Variants in CDH12 observed in about 807,000 individuals in gnomAD.
The protein encoded by CDH12 is cadherin 12, also known as cadherin-12.
CDH12 carries 41 observed loss-of-function variants against 74.1 expected under a neutral mutation model. That is an observed-to-expected ratio of 0.55 (90% CI 0.43 to 0.72). CDH12 has a LOEUF of 0.72. Ranked by LOEUF, CDH12 falls within the 30% of genes least tolerant of loss-of-function variation. The pLI, the probability that CDH12 is intolerant of heterozygous loss-of-function variation, is 0.00. For synonymous variants in CDH12, 399 were observed against 355.0 expected, an observed-to-expected ratio of 1.12 and a Z score of -1.39; for missense variants, 945 against 977.2, an observed-to-expected ratio of 0.97 and a Z score of 0.44.
intron 5 of CDH12, among the ~76,000 whole-genome samples, chr5:22,024,744 C>T (rs1292647006): frequency 6.6e-6 from 1 of 152,036 alleles, no homozygotes; most frequent in Non-Finnish European, 1.5e-5. Context: ...GAACTCCTGA[C>T]CTCAAGTGAT....
chr5:21,838,050 CTTTTA>C (rs1403164431), intron 8 of CDH12, among the ~76,000 whole-genome samples: 1 of 152,072 alleles, frequency 6.6e-6, no homozygotes, highest in Non-Finnish European at 1.5e-5. Context: ...AAACTAATAA[CTTTTA>C]TTTTAATATG....
intron 4 of CDH12, among the ~76,000 whole-genome samples, chr5:22,097,013 G>A (rs1435032682): frequency 2.0e-5 from 3 of 152,122 alleles, no homozygotes; most frequent in African/African-American, 7.2e-5. Context: ...TGCCTCCACT[G>A]TGAGACAAAC....
At chr5:22,033,765 T>C (rs555446494) in intron 5 of CDH12, among the ~76,000 whole-genome samples, 2 of 152,254 alleles carry the variant, frequency 1.3e-5, no homozygotes, top group East Asian at 3.9e-4. Context: ...TACATATTTT[T>C]AATAAAGTGG....
intron 3 of CDH12, among the ~76,000 whole-genome samples, chr5:22,388,031 T>C (rs575703325): frequency 5.5e-4 from 83 of 152,156 alleles, no homozygotes; most frequent in African/African-American, 1.9e-3. Flanking sequence ...CCACTGGAGG[T>C]AGAGTATATG....
chr5:21,963,518 T>C (rs1274304617), intron 6 of CDH12, among the ~76,000 whole-genome samples: 1 of 152,140 alleles, frequency 6.6e-6, no homozygotes, highest in Non-Finnish European at 1.5e-5. Flanking sequence ...CTTTCTTTTC[T>C]CTTGAGTATG....
Position 22,059,295 on chromosome 5 carries a change from CATCT to C in CDH12, c.231+19147_231+19150del, listed in dbSNP as rs1333738127. On this transcript the variant is annotated intron_variant, in intron 5 of 14. Coordinates refer to ENST00000382254, the MANE Select transcript of CDH12 (RefSeq NM_004061.5). ...TCTATCTATCTATCTATCTATCTAT[CATCT>C]ATCTATCTATCATCTATCCATCTAT... 5.3e-3 allele frequency among the ~76,000 whole-genome samples: 685 copies of C among 129,742 alleles called. 8 individuals are homozygous for C. Among genetic ancestry groups the C allele is most frequent in the South Asian group, 0.032 (126 of 3,952 alleles). 85.1% of individuals were successfully genotyped at this position (129,742 alleles called of 152,430 possible). A position where few individuals can be genotyped will look rare whatever the true frequency, so the allele number is the denominator to read the frequency against.
chr5:22,816,931 C>T (rs1010318066), intron 1 of CDH12, among the ~76,000 whole-genome samples: 6 of 152,180 alleles, frequency 3.9e-5, no homozygotes, highest in African/African-American at 7.2e-5. Context: ...TGAGGAAAAC[C>T]CTTCCATAAC....
At chr5:21,856,659 G>A (rs1750771044) in intron 6 of CDH12, among the ~76,000 whole-genome samples, 1 of 151,584 alleles carries the variant, frequency 6.6e-6, no homozygotes, top group Non-Finnish European at 1.5e-5. Flanking sequence ...GAACAAATAT[G>A]TTCTTCTAAT....
intron 3 of CDH12, among the ~76,000 whole-genome samples, chr5:22,389,005 T>G (rs1742117735): frequency 6.6e-6 from 1 of 152,220 alleles, no homozygotes; most frequent in African/African-American, 2.4e-5. Flanking sequence ...TTTCTTATGG[T>G]TCTTGACAGC....
At chr5:22,645,874 T>G (rs1337717776) in intron 1 of CDH12, among the ~76,000 whole-genome samples, 1 of 151,982 alleles carries the variant, frequency 6.6e-6, no homozygotes, top group African/African-American at 2.4e-5. Context: ...TACATATATA[T>G]TGTATGTACA....
At chr5:22,376,914 TATAA>T (rs1452138340) in intron 3 of CDH12, among the ~76,000 whole-genome samples, 1 of 152,088 alleles carries the variant, frequency 6.6e-6, no homozygotes, top group African/African-American at 2.4e-5. Flanking sequence ...AGTAAATAAA[TATAA>T]ATAGTTCTGT....
intron 1 of CDH12, among the ~76,000 whole-genome samples, chr5:22,537,084 C>A (rs907814402): frequency 6.6e-6 from 1 of 152,196 alleles, no homozygotes; most frequent in African/African-American, 2.4e-5. Context: ...GAGACACAGA[C>A]ATTTTCTTAT....
chr5:22,660,149 A>G (rs924165524), intron 1 of CDH12, among the ~76,000 whole-genome samples: 1 of 152,174 alleles, frequency 6.6e-6, no homozygotes, highest in African/African-American at 2.4e-5. Flanking sequence ...AGTTTATTTT[A>G]TAACCACTCA....
At chr5:22,508,919 C>T (rs1375927256) in intron 1 of CDH12, among the ~76,000 whole-genome samples, 1 of 152,154 alleles carries the variant, frequency 6.6e-6, no homozygotes, top group African/African-American at 2.4e-5. Context: ...GTGTCACAGG[C>T]CATGGTCACT....
intron 1 of CDH12, among the ~76,000 whole-genome samples, chr5:22,636,455 T>C (rs1008606350): frequency 2.0e-5 from 3 of 152,188 alleles, no homozygotes; most frequent in African/African-American, 7.2e-5. Context: ...TGCAATATTG[T>C]ATATCCAAAC....
chr5:22,811,160 TAC>T (rs578256042), intron 1 of CDH12, among the ~76,000 whole-genome samples: 4 of 151,700 alleles, frequency 2.6e-5, no homozygotes, highest in African/African-American at 9.7e-5. Context: ...CATATATATA[TAC>T]ACACACACAT....
chr5:21,791,980 C>A (rs576549934), intron 10 of CDH12, among the ~76,000 whole-genome samples: 1 of 151,856 alleles, frequency 6.6e-6, no homozygotes, highest in Non-Finnish European at 1.5e-5. Flanking sequence ...AAGTACTACA[C>A]CTCATTGTTT....
At chr5:22,272,522 AG>A (rs1736443466) in intron 3 of CDH12, among the ~76,000 whole-genome samples, 1 of 152,228 alleles carries the variant, frequency 6.6e-6, no homozygotes, top group Non-Finnish European at 1.5e-5. Context: ...GCAGGGCCCT[AG>A]GTTTCAACTA....
chr5:22,789,396 A>G (rs963200993), intron 1 of CDH12, among the ~76,000 whole-genome samples: 1 of 152,084 alleles, frequency 6.6e-6, no homozygotes, highest in African/African-American at 2.4e-5. Flanking sequence ...CACATACCCA[A>G]GGAAAACAAG....
Sources: gnomAD v4.1 joint callset for allele counts (sites outside exome capture counted in the v4.1 genomes callset) on GRCh38, gnomAD v4.1.1 for gene constraint, MANE v1.5 for transcripts, NCBI Gene and HGNC (gene_info 2026-07-23, HGNC 2026-07-21) for gene names.